Variants in SNRPG observed in about 807,000 individuals in gnomAD.
The protein encoded by SNRPG is small nuclear ribonucleoprotein polypeptide G, also known as small nuclear ribonucleoprotein G.
In SNRPG, 3 loss-of-function variants were observed where a neutral mutation model predicts 13.9. The observed-to-expected ratio is 0.22, with a 90% CI of 0.10 to 0.56. The LOEUF is 0.56. SNRPG is among the 20% of genes least tolerant of loss of function. SNRPG has a pLI of 0.93. For synonymous variants in SNRPG, 29 were observed against 29.3 expected (o/e 0.99, Z 0.03); for missense variants, 34 against 96.1 (o/e 0.35, Z 2.70).
chr2:70,287,863 C>A, intron 3 of SNRPG: 1 of 581,244 alleles, frequency 1.7e-6, no homozygotes, highest in Non-Finnish European at 3.1e-6. Context: ...GCGCTAGGAC[C>A]TTAGGTTCTG....
chr2:70,289,240 A>G, intron 2 of SNRPG, 110 bp downstream of exon 2: 1 of 621,728 alleles, frequency 1.6e-6, no homozygotes, highest in South Asian at 1.7e-5. Flanking sequence ...GCCGTGAGCC[A>G]TCGCGCCTGG....
At position 70,289,330 on chromosome 2, in the gene SNRPG, C is replaced by G. The variant is rs1319172979; in HGVS notation, c.55+20G>C. ...GCAATTAAATAATTAAAAAAAACCC[C>G]AAAACAACAACAAACTTACATGATA... On this transcript the variant is annotated intron_variant, in intron 2 of 3. Transcript: ENST00000272348. 1 of 1,393,778 alleles carries G rather than the reference C, an allele frequency of 7.2e-7. No individual in the cohort carries two copies. The highest frequency in any genetic ancestry group is 1.0e-6 in the Non-Finnish European group (1 of 1,001,114). 86.3% of individuals were successfully genotyped at this position (1,393,778 alleles called of 1,614,324 possible).
intron 1 of SNRPG, among the ~76,000 whole-genome samples, chr2:70,289,697 G>C (rs1240643496): frequency 6.6e-6 from 1 of 152,120 alleles, no homozygotes; most frequent in Non-Finnish European, 1.5e-5. Flanking sequence ...TATGGTTCCA[G>C]CTACTTGGGA....
intron 3 of SNRPG, among the ~76,000 whole-genome samples, chr2:70,285,376 A>T (rs1696915018): frequency 6.6e-6 from 1 of 152,184 alleles, no homozygotes; most frequent in South Asian, 2.1e-4. Flanking sequence ...GTTTGAGACC[A>T]GCCTGGCCAA....
In SNRPG at chr2:70,282,035, G is replaced by A. The variant is rs7560654; in HGVS notation, c.181-351C>T. ...CCCAGGTTCAAGCAATCCTGCTTCA[G>A]CCTCCCAAGTAGCTAGGATTACAGG... On this transcript the variant is annotated intron_variant, in intron 3 of 3. Coordinates refer to ENST00000272348, the MANE Select transcript of SNRPG (RefSeq NM_003096.4). Among the ~76,000 whole-genome samples, 1,000 of 152,208 alleles carry A rather than the reference G, an allele frequency of 6.6e-3. 11 individuals carry two copies. The highest frequency in any genetic ancestry group is 0.023 in the African/African-American group (955 of 41,540).
intron 3 of SNRPG, among the ~76,000 whole-genome samples, chr2:70,283,096 C>CAAAAAAAAAAAAAAAAA (rs57862220): frequency 2.9e-4 from 4 of 14,034 alleles, no homozygotes; most frequent in East Asian, 1.4e-3. Flanking sequence ...TGTCTTTTGT[C>CAAAAAAAAAAAAAAAAA]AAAAAAAAAA....
intron 3 of SNRPG, among the ~76,000 whole-genome samples, chr2:70,283,063 C>T (rs1437527517): frequency 1.6e-5 from 2 of 125,234 alleles, no homozygotes; most frequent in Non-Finnish European, 3.2e-5. Flanking sequence ...CCACTGCACT[C>T]CAGCCTGGGC....
intron 3 of SNRPG, among the ~76,000 whole-genome samples, chr2:70,283,109 A>AAAAAAAAC (rs1696846030): frequency 1.0e-4 from 15 of 147,448 alleles, no homozygotes; most frequent in African/African-American, 3.8e-4. Flanking sequence ...AAAAAAAAAA[A>AAAAAAAAC]AAAAAAAAAA....
intron 1 of SNRPG, among the ~76,000 whole-genome samples, chr2:70,291,948 A>ATTTTTT (rs200204639): frequency 7.3e-6 from 1 of 136,774 alleles, no homozygotes; most frequent in Non-Finnish European, 1.6e-5. Flanking sequence ...AGTAACTTCT[A>ATTTTTT]TTTTTTTTTT....
At position 70,287,182 on chromosome 2, in the gene SNRPG, C is replaced by CA. The variant is rs1396925010; in HGVS notation, c.180+885dup. ...AAAAAAATTAAACAGGCAGAGATGT[C>CA]AAAATAGGTCTATCTTCAACTTTAC... On this transcript the variant is annotated intron_variant, in intron 3 of 3. Transcript: ENST00000272348. 2.0e-5 allele frequency: 12 copies of CA among 611,982 alleles called. No individual in the cohort carries two copies. The African/African-American group carries it at 2.2e-4, about 11-fold the overall frequency. 37.9% of individuals were successfully genotyped at this position (611,982 alleles called of 1,614,324 possible).
rs149100515 is a variant in SNRPG at position 70,293,253 on chromosome 2, G to C, written c.32+365C>G. 496 of 701,734 alleles carry C rather than the reference G, an allele frequency of 7.1e-4. 3 individuals are homozygous for C. The African/African-American group carries it at 7.8e-3, about 11-fold the overall frequency. The allele number at this position is 701,734 out of a possible 1,614,324, so 43.5% of individuals were successfully genotyped here. A position where few individuals can be genotyped will look rare whatever the true frequency, so the allele number is the denominator to read the frequency against. On this transcript the variant is annotated intron_variant, in intron 1 of 3. Transcript: ENST00000272348. Reference sequence around the variant, plus strand: ...CCAGCCCCTCCTTAGTTCCTTCAGAGAATTTCCCCCTCTAGCCGTCTATCT... The same window carrying C: ...CCAGCCCCTCCTTAGTTCCTTCAGACAATTTCCCCCTCTAGCCGTCTATCT...
At chr2:70,293,040 A>C (rs1311874851) in intron 1 of SNRPG, 1 of 628,616 alleles carries the variant, frequency 1.6e-6, no homozygotes, top group Non-Finnish European at 2.9e-6. Flanking sequence ...AGAAAAATGA[A>C]TGTTCTTATA....
At chr2:70,293,420 T>C (rs1697156421) in intron 1 of SNRPG, 198 bp downstream of exon 1, 4 of 660,240 alleles carry the variant, frequency 6.1e-6, no homozygotes. Context: ...GGCTGCCGGC[T>C]GTAACCACAC....
rs1559040661 is a variant in SNRPG, at chr2:70,281,691, AAG to A, written c.181-9_181-8del. 5 of 1,498,958 alleles carry A rather than the reference AAG, an allele frequency of 3.3e-6. No individual in the cohort carries two copies. Among genetic ancestry groups the A allele is most frequent in the Non-Finnish European group, 9.2e-7 (1 of 1,081,952 alleles). The allele number at this position is 1,498,958 out of a possible 1,614,324, so 92.9% of individuals were successfully genotyped here. ...TACTATTTCCTCGTATTACCTAAGA[AAG>A]AGAAAAATAAATTTGAAAAGAACAA... On this transcript the variant is annotated splice_region_variant and splice_polypyrimidine_tract_variant and intron_variant, in intron 3 of 3. Transcript: ENST00000272348.
In SNRPG at chr2:70,293,699, T is replaced by C. The variant is rs1318013805; in HGVS notation, c.-50A>G. The C allele has an allele frequency of 1.3e-6, 2 of 1,580,220 alleles. No individual in the cohort carries two copies. Among genetic ancestry groups the C allele is most frequent in the Admixed American group, 1.7e-5 (1 of 59,978 alleles). On this transcript the variant is annotated 5_prime_UTR_variant, in exon 1 of 4. Coordinates refer to ENST00000272348, the MANE Select transcript of SNRPG (RefSeq NM_003096.4). ...ATGCCTTGGAACGCAACGCACGGCT[T>C]TCCTCACGCTCCCGCTGTAGGCCCG...
At chr2:70,290,823 TAAAAAAAAAAAAAAAAAAAAAAA>T (rs57720967) in intron 1 of SNRPG, among the ~76,000 whole-genome samples, 5 of 25,262 alleles carry the variant, frequency 2.0e-4, no homozygotes, top group African/African-American at 3.9e-4. Context: ...CCGTCTCTAC[TAAAAAAAAAAAAAAAAAAAAAAA>T]AAAAAAAAAA....
chr2:70,283,118 A>AAAAAAAAAAAAAAAAAAAAAAAAG (rs1696850520), intron 3 of SNRPG, among the ~76,000 whole-genome samples: 1 of 148,818 alleles, frequency 6.7e-6, no homozygotes, highest in African/African-American at 2.5e-5. Flanking sequence ...AAAAAAAAAA[A>AAAAAAAAAAAAAAAAAAAAAAAAG]AAAAAACAAC....
At chr2:70,289,409 TA>T in intron 1 of SNRPG, 37 bp from the exon 2 acceptor site, 4 of 1,160,650 alleles carry the variant, frequency 3.4e-6, no homozygotes, top group Non-Finnish European at 3.7e-6. Context: ...TATAACCAAT[TA>T]AAAAAATTTA....
intron 3 of SNRPG, among the ~76,000 whole-genome samples, chr2:70,285,292 G>A (rs1392526589): frequency 8.5e-5 from 13 of 152,174 alleles, no homozygotes. Flanking sequence ...AGTTCGTGCT[G>A]GCCAGGCGCG....
Sources: allele counts gnomAD v4.1 joint callset (sites outside exome capture counted in the v4.1 genomes callset), GRCh38; gene constraint gnomAD v4.1.1; transcripts MANE v1.5; gene names NCBI Gene and HGNC (gene_info 2026-07-23, HGNC 2026-07-21).